Variants in PRSS21 observed in about 807,000 individuals in gnomAD.
PRSS21 encodes testisin.
In PRSS21, 40 loss-of-function variants were observed where a neutral mutation model predicts 31.1. The observed-to-expected ratio is 1.29, with a 90% CI of 1.00 to 1.68. PRSS21 has a LOEUF of 1.68. PRSS21 is among the 40% of genes most tolerant of loss of function. PRSS21 has a pLI of 0.00. For missense variants in PRSS21, 467 were observed against 412.6 expected (o/e 1.13, Z -1.14); for synonymous variants, 186 against 167.7 (o/e 1.11, Z -0.84).
At position 2,821,639 on chromosome 16, in the gene PRSS21, C is replaced by T; in HGVS notation, c.*34C>T. On this transcript the variant is annotated 3_prime_UTR_variant, in exon 6 of 6. Coordinates refer to ENST00000005995, the MANE Select transcript of PRSS21 (RefSeq NM_006799.4). ...GAGCCCATGCAGCCTGGGGCCACTG[C>T]CAAGTCAGGCCCTGGTTCTCTTCTG... is the stretch of plus-strand genomic sequence containing the variant. 1 of 1,594,520 alleles carries T rather than the reference C, an allele frequency of 6.3e-7. No homozygotes were observed. The highest frequency in any genetic ancestry group is 8.6e-7 in the Non-Finnish European group (1 of 1,169,560).
At position 2,818,001 on chromosome 16, in the gene PRSS21, G is replaced by C. The variant is rs1000968942; in HGVS notation, c.257+35G>C. On this transcript the variant is annotated intron_variant, in intron 3 of 5. Transcript: ENST00000005995. ...GGTGCGAACGGAGGGGTGCGGGGAC[G>C]GGCAGGAACAGGGCTGGAGGGAGTG... is the stretch of plus-strand genomic sequence containing the variant. 4.6e-6 allele frequency: 7 copies of C among 1,532,984 alleles called. No individual in the cohort carries two copies. In the African/African-American group the frequency reaches 8.2e-5, roughly 18 times the overall value. The allele number at this position is 1,532,984 out of a possible 1,614,324, so 95.0% of individuals were successfully genotyped here. A position where few individuals can be genotyped will look rare whatever the true frequency, so the allele number is the denominator to read the frequency against.
chr16:2,817,519 T>C lies in PRSS21; in HGVS notation c.91+63T>C. ...TTGGGCCGAGGTGGACGGGGGGCGG[T>C]GAGGGGGTAGAGGGGGGCCTTTACT... On this transcript the variant is annotated intron_variant, in intron 2 of 5. Coordinates refer to ENST00000005995, the MANE Select transcript of PRSS21 (RefSeq NM_006799.4). This position sits in a 1 kb window ranked among gnomAD's most constrained non-coding sequence, Gnocchi z 4.2. 4.0e-6 allele frequency: 3 copies of C among 742,576 alleles called. No individual in the cohort carries two copies. The highest frequency in any genetic ancestry group is 2.1e-5 in the South Asian group (1 of 47,762). The allele number at this position is 742,576 out of a possible 1,614,324, so 46.0% of individuals were successfully genotyped here.
At chr16:2,821,201 C>A in intron 5 of PRSS21, 92 bp downstream of exon 5, 3 of 1,559,602 alleles carry the variant, frequency 1.9e-6, no homozygotes, top group Non-Finnish European at 2.6e-6. Flanking sequence ...GAGGTGGAGA[C>A]TGTTGCCCCA....
chr16:2,818,318 T>C (rs1347284862), intron 3 of PRSS21, among the ~76,000 whole-genome samples: 1 of 152,204 alleles, frequency 6.6e-6, no homozygotes. Context: ...TGTGGGGCAC[T>C]GAGCCAAGGC....
chr16:2,817,362 G>T lies in PRSS21; in HGVS notation c.64+30G>T. Reference sequence around the variant, plus strand: ...GCTCGGGGCGCTGCTGGCGGGATGGGGAGGCGGGGGAGCGGTGGGGAGGAC... The same window carrying T: ...GCTCGGGGCGCTGCTGGCGGGATGGTGAGGCGGGGGAGCGGTGGGGAGGAC... On this transcript the variant is annotated intron_variant, in intron 1 of 5. Coordinates refer to ENST00000005995, the MANE Select transcript of PRSS21 (RefSeq NM_006799.4). The surrounding 1 kb of genome is among the most constrained non-coding windows in gnomAD (Gnocchi z 4.2). 1 of 1,572,218 alleles carries T rather than the reference G, an allele frequency of 6.4e-7. No individual in the cohort carries two copies. Among genetic ancestry groups the T allele is most frequent in the Non-Finnish European group, 8.6e-7 (1 of 1,162,492 alleles).
intron 4 of PRSS21, 54 bp from the exon 5 acceptor site, chr16:2,820,901 C>G: frequency 6.3e-7 from 1 of 1,582,288 alleles, no homozygotes; most frequent in Non-Finnish European, 8.6e-7. Context: ...TGCCATCCCT[C>G]CATAGAGGGG....
Position 2,817,677 on chromosome 16 carries a change from A to G in PRSS21, c.92-124A>G. 1 of 1,350,120 alleles carries G rather than the reference A, an allele frequency of 7.4e-7. No individual in the cohort carries two copies. Among genetic ancestry groups the G allele is most frequent in the Non-Finnish European group, 1.0e-6 (1 of 998,986 alleles). The allele number at this position is 1,350,120 out of a possible 1,614,324, so 83.6% of individuals were successfully genotyped here. A position where few individuals can be genotyped will look rare whatever the true frequency, so the allele number is the denominator to read the frequency against. On this transcript the variant is annotated intron_variant, in intron 2 of 5. Transcript: ENST00000005995. The surrounding 1 kb of genome is among the most constrained non-coding windows in gnomAD (Gnocchi z 4.2). ...CAGTGTCACCTACTTCCTGCTGCAC[A>G]CACGCGAGGGGACCCTGGGTGGGCA...
chr16:2,818,709 T>A lies in PRSS21; in HGVS notation c.290T>A (p.Met97Lys). Residue 97 changes from methionine (M) to lysine (K), a missense_variant, in exon 4 of 6, where the codon ATG becomes AAG. Physicochemically the swap from Met to Lys is moderately conservative, Grantham distance 95. Coordinates refer to ENST00000005995, the MANE Select transcript of PRSS21 (RefSeq NM_006799.4). ...GACCTTAGTGATCCCTCCGGGTGGA[T>A]GGTCCAGTTTGGCCAGCTGACTTCC... ...YSDLSDPSGW[M>K]VQFGQLTSMP... 6.2e-7 allele frequency: 1 copy of A among 1,614,218 alleles called. No homozygotes were observed.
At chr16:2,820,864 C>T (rs2069159550) in intron 4 of PRSS21, 91 bp from the exon 5 acceptor site, 3 of 1,371,144 alleles carry the variant, frequency 2.2e-6, no homozygotes, top group South Asian at 2.6e-5. Context: ...ACAGTGGGTG[C>T]CCCAGGGCCC....
In PRSS21 at chr16:2,817,718, G is replaced by A. The variant is rs1277220783; in HGVS notation, c.92-83G>A. Reference sequence around the variant, plus strand: ...TGGGTGGGCAAAAACGTGCTTTCCCGGACGGGGTTGAAGGGGAGAAAGGGA... The same window carrying A: ...TGGGTGGGCAAAAACGTGCTTTCCCAGACGGGGTTGAAGGGGAGAAAGGGA... On this transcript the variant is annotated intron_variant, in intron 2 of 5. Coordinates refer to ENST00000005995, the MANE Select transcript of PRSS21 (RefSeq NM_006799.4). This position sits in a 1 kb window ranked among gnomAD's most constrained non-coding sequence, Gnocchi z 4.2. 41 of 1,494,534 alleles carry A rather than the reference G, an allele frequency of 2.7e-5. No homozygotes were observed. The South Asian group carries it at 4.4e-4, about 16-fold the overall frequency. 92.6% of individuals were successfully genotyped at this position (1,494,534 alleles called of 1,614,324 possible).
intron 4 of PRSS21, among the ~76,000 whole-genome samples, chr16:2,819,921 C>T (rs2069142778): frequency 6.6e-6 from 1 of 152,210 alleles, no homozygotes; most frequent in Non-Finnish European, 1.5e-5. Context: ...GAGCCGCCTC[C>T]CTCTGGAGGA....
rs754172635 is a variant in PRSS21, at chr16:2,821,000, T to C, written c.596T>C (p.Ile199Thr). Residue 199 changes from isoleucine to threonine, a missense_variant, in exon 5 of 6, where the codon ATA becomes ACA. Ile to Thr is a moderately conservative substitution (Grantham distance 89). Transcript: ENST00000005995. ...HTLQEVQVAI[I>T]NNSMCNHLFL... ...CTCCAGGAAGTTCAGGTCGCCATCA[T>C]AAACAACTCTATGTGCAACCACCTC... 1.1e-5 allele frequency: 17 copies of C among 1,614,054 alleles called. No individual in the cohort carries two copies. The East Asian group carries it at 3.6e-4, about 34-fold the overall frequency.
Position 2,817,892 on chromosome 16 carries a change from G to A in PRSS21, c.183G>A (p.Leu61=). 3.9e-6 allele frequency: 6 copies of A among 1,549,604 alleles called. No homozygotes were observed. The highest frequency in any genetic ancestry group is 5.2e-6 in the Non-Finnish European group (6 of 1,146,952). Reference sequence around the variant, plus strand: ...GGCCGTGGCAGGGGAGCCTGCGCCTGTGGGATTCCCACGTATGCGGAGTGA... The same window carrying A: ...GGCCGTGGCAGGGGAGCCTGCGCCTATGGGATTCCCACGTATGCGGAGTGA... ...GRWPWQGSLR[L]WDSHVCGVSL... The change falls in exon 3 of 6, where the codon CTG becomes CTA. Residue 61 remains leucine, a synonymous_variant. Transcript: ENST00000005995. This position sits in a 1 kb window ranked among gnomAD's most constrained non-coding sequence, Gnocchi z 4.2.
Position 2,817,450 on chromosome 16 carries a change from T to A in PRSS21, c.85T>A (p.Leu29Ile), listed in dbSNP as rs2069093610. 6.3e-7 allele frequency: 1 copy of A among 1,587,320 alleles called. No homozygotes were observed. The highest frequency in any genetic ancestry group is 1.1e-5 in the South Asian group (1 of 89,888). Residue 29 changes from leucine (L) to isoleucine (I), a missense_variant, in exon 2 of 6, where the codon TTA becomes ATA. Coordinates refer to ENST00000005995, the MANE Select transcript of PRSS21 (RefSeq NM_006799.4). This position sits in a 1 kb window ranked among gnomAD's most constrained non-coding sequence, Gnocchi z 4.2. ...CGCAGAGTCGCAGGAGGCGGCGCCG[T>A]TATCAGGTAGGGCGCCCAGGACGCG... is the stretch of plus-strand genomic sequence containing the variant. ...RKPESQEAAPLSGPCGRRVIT... is the reference protein window; with the variant it reads ...RKPESQEAAPISGPCGRRVIT...
intron 4 of PRSS21, 122 bp downstream of exon 4, chr16:2,819,091 C>A: frequency 9.0e-7 from 1 of 1,116,490 alleles, no homozygotes; most frequent in Non-Finnish European, 1.3e-6. Flanking sequence ...CTTGCAGTCT[C>A]TCCTCACCTG....
intron 3 of PRSS21, among the ~76,000 whole-genome samples, chr16:2,818,183 T>C (rs1018908349): frequency 2.3e-4 from 35 of 152,170 alleles, no homozygotes; most frequent in African/African-American, 8.4e-4. Flanking sequence ...TTCAGGTTAT[T>C]CCAGAATGTT....
chr16:2,818,537 T>G (rs1646155393), intron 3 of PRSS21, 140 bp from the exon 4 acceptor site: 1 of 820,300 alleles, frequency 1.2e-6, no homozygotes, highest in African/African-American at 1.7e-5. Flanking sequence ...CTGTCTGGGC[T>G]CCTTCATTTC....
chr16:2,818,012 G>C (rs1387086710), intron 3 of PRSS21, 46 bp downstream of exon 3: 2 of 1,517,476 alleles, frequency 1.3e-6, no homozygotes, highest in South Asian at 2.4e-5. Flanking sequence ...GGCAGGAACA[G>C]GGCTGGAGGG....
Position 2,817,382 on chromosome 16 carries a change from G to A in PRSS21, c.65-48G>A. 6.3e-7 allele frequency: 1 copy of A among 1,586,436 alleles called. No individual in the cohort carries two copies. Among genetic ancestry groups the A allele is most frequent in the African/African-American group, 1.3e-5 (1 of 74,534 alleles). The stretch of plus-strand genomic sequence containing the variant: ...GATGGGGAGGCGGGGGAGCGGTGGG[G>A]AGGACGGGAGGTGGAGGCCGCGGGG... On this transcript the variant is annotated intron_variant, in intron 1 of 5. Coordinates refer to ENST00000005995, the MANE Select transcript of PRSS21 (RefSeq NM_006799.4). The surrounding 1 kb of genome is among the most constrained non-coding windows in gnomAD (Gnocchi z 4.2).
Sources: gnomAD v4.1 joint callset for allele counts (sites outside exome capture counted in the v4.1 genomes callset) on GRCh38, gnomAD v4.1.1 for gene constraint, Gnocchi (gnomAD v3.1) non-coding constraint, MANE v1.5 for transcripts, NCBI Gene and HGNC (gene_info 2026-07-23, HGNC 2026-07-21) for gene names.